The following NCAM2 variants were observed in gnomAD, a reference collection of about 807,000 sequenced individuals.
NCAM2 encodes neural cell adhesion molecule 2, also known as N-CAM-2.
Under a neutral mutation model 98.1 loss-of-function variants are expected in NCAM2, and 30 were observed. The ratio of observed to expected loss-of-function variants is 0.31; its 90% CI spans 0.23 to 0.41. The LOEUF (loss-of-function observed/expected upper bound fraction) is 0.41, where lower values mean the gene tolerates loss of function less well. NCAM2 is among the 10% of genes least tolerant of loss of function. NCAM2 has a pLI of 1.00. For synonymous variants in NCAM2, 368 were observed against 342.4 expected, an observed-to-expected ratio of 1.07 and a Z score of -0.83; for missense variants, 867 against 1,005.8, an observed-to-expected ratio of 0.86 and a Z score of 1.87.
At chr21:21,415,983 C>T (rs2076987069) in intron 10 of NCAM2, among the ~76,000 whole-genome samples, 1 of 152,162 alleles carries the variant, frequency 6.6e-6, no homozygotes, top group Non-Finnish European at 1.5e-5. Context: ...TTCAGGAACT[C>T]TCTCTTCACA....
At chr21:21,235,375 A>G (rs1251401677) in intron 1 of NCAM2, among the ~76,000 whole-genome samples, 3 of 152,036 alleles carry the variant, frequency 2.0e-5, no homozygotes, top group Non-Finnish European at 4.4e-5. Context: ...TTCTTCTCTG[A>G]TTAAATAATA....
In NCAM2 at chr21:21,343,787, G is replaced by A. The variant is rs551588656; in HGVS notation, c.1044+5253G>A. The stretch of plus-strand genomic sequence containing the variant: ...GTGCTCTGTGTCTCCCAGTAAACTT[G>A]AAAAAACTTATGAAACTCTAGGCCA... On this transcript the variant is annotated intron_variant, in intron 8 of 17. Transcript: ENST00000400546. Among the ~76,000 whole-genome samples, 27 of 152,186 alleles carry A rather than the reference G, an allele frequency of 1.8e-4. No individual in the cohort carries two copies. In the East Asian group the frequency reaches 2.9e-3, roughly 16 times the overall value.
intron 16 of NCAM2, among the ~76,000 whole-genome samples, chr21:21,513,282 G>A (rs1373137402): frequency 1.3e-5 from 2 of 152,140 alleles, no homozygotes; most frequent in East Asian, 1.9e-4. Context: ...AAGATGCATT[G>A]TAAGGTTATT....
intron 16 of NCAM2, among the ~76,000 whole-genome samples, chr21:21,517,772 C>T (rs925679575): frequency 1.4e-4 from 22 of 152,180 alleles, no homozygotes; most frequent in African/African-American, 4.8e-4. Context: ...ACAGGAGAAT[C>T]GCTTGAACCT....
chr21:21,375,486 G>T (rs753693069), intron 9 of NCAM2, among the ~76,000 whole-genome samples: 1 of 151,584 alleles, frequency 6.6e-6, no homozygotes, highest in Non-Finnish European at 1.5e-5. Flanking sequence ...AATAAAAATG[G>T]AAAGCATTGA....
chr21:21,030,373 C>G (rs528873199), intron 1 of NCAM2, among the ~76,000 whole-genome samples: 21 of 152,292 alleles, frequency 1.4e-4, no homozygotes, highest in African/African-American at 4.8e-4. Context: ...TTACCATGAA[C>G]TTAGAGGCAT....
chr21:21,363,815 G>T (rs232497), intron 8 of NCAM2, among the ~76,000 whole-genome samples: 3 of 151,682 alleles, frequency 2.0e-5, no homozygotes, highest in African/African-American at 4.8e-5. Context: ...AAGGTGTTTT[G>T]ATAAGACTCC....
chr21:21,049,375 A>G (rs939533076), intron 1 of NCAM2, among the ~76,000 whole-genome samples: 5 of 151,696 alleles, frequency 3.3e-5, no homozygotes, highest in African/African-American at 1.2e-4. Flanking sequence ...ATAATTTTTC[A>G]TGCCCATAAA....
intron 1 of NCAM2, among the ~76,000 whole-genome samples, chr21:21,203,128 A>G (rs960539094): frequency 6.6e-6 from 1 of 152,204 alleles, no homozygotes; most frequent in Non-Finnish European, 1.5e-5. Flanking sequence ...TTAAATTACA[A>G]TTCTGAGTTA....
In NCAM2 at chr21:21,193,555, G is replaced by C. The variant is rs563514323; in HGVS notation, c.56-87023G>C. On this transcript the variant is annotated intron_variant, in intron 1 of 17. Coordinates refer to ENST00000400546, the MANE Select transcript of NCAM2 (RefSeq NM_004540.5). ...TCTGTCGCCAGGCTGGAGTGCAATG[G>C]CGCGATCTCGGCTCACTGCAACCTC... Among the ~76,000 whole-genome samples, 14 of 149,638 alleles carry C rather than the reference G, an allele frequency of 9.4e-5. No individual in the cohort carries two copies. The South Asian group carries it at 2.8e-3, about 30-fold the overall frequency.
intron 15 of NCAM2, among the ~76,000 whole-genome samples, chr21:21,482,281 T>C (rs1027224362): frequency 1.3e-5 from 2 of 152,108 alleles, no homozygotes; most frequent in African/African-American, 2.4e-5. Flanking sequence ...TCAGATCTTA[T>C]AGAGTTAACA....
chr21:21,165,709 A>G (rs2067929186), intron 1 of NCAM2, among the ~76,000 whole-genome samples: 1 of 152,222 alleles, frequency 6.6e-6, no homozygotes, highest in African/African-American at 2.4e-5. Context: ...ATTTATATTT[A>G]TTATAACATT....
At chr21:21,476,662 A>G (rs1364730942) in intron 14 of NCAM2, among the ~76,000 whole-genome samples, 3 of 152,104 alleles carry the variant, frequency 2.0e-5, no homozygotes, top group Non-Finnish European at 4.4e-5. Context: ...TAGAAAAAGA[A>G]TGAGATAGTA....
At chr21:21,288,160 G>T (rs1377665402) in intron 4 of NCAM2, among the ~76,000 whole-genome samples, 1 of 151,694 alleles carries the variant, frequency 6.6e-6, no homozygotes, top group African/African-American at 2.4e-5. Flanking sequence ...TTGCTATACA[G>T]TATTATTTGG....
chr21:21,457,312 G>A (rs13051144), intron 12 of NCAM2, among the ~76,000 whole-genome samples: 16,882 of 152,076 alleles, frequency 0.11, 1,172 homozygotes, highest in Middle Eastern at 0.16. Context: ...ATTATGACAT[G>A]TGTTGGACAA....
chr21:21,029,067 T>TTTTTA (rs1357803644), intron 1 of NCAM2, among the ~76,000 whole-genome samples: 2 of 152,134 alleles, frequency 1.3e-5, no homozygotes, highest in Non-Finnish European at 2.9e-5. Context: ...ATGAGTAACA[T>TTTTTA]GTTTTAGTGT....
At chr21:21,455,312 G>A (rs956049160) in intron 12 of NCAM2, among the ~76,000 whole-genome samples, 24 of 150,234 alleles carry the variant, frequency 1.6e-4, no homozygotes, top group African/African-American at 5.1e-4. Context: ...TGATTTCATC[G>A]TTTTTACATT....
At chr21:21,210,264 T>TA (rs2069597928) in intron 1 of NCAM2, among the ~76,000 whole-genome samples, 1 of 152,202 alleles carries the variant, frequency 6.6e-6, no homozygotes, top group Non-Finnish European at 1.5e-5. Flanking sequence ...ACTTAGGCAA[T>TA]AGATTGAAAA....
intron 1 of NCAM2, among the ~76,000 whole-genome samples, chr21:21,145,135 A>G (rs560726668): frequency 1.1e-4 from 17 of 152,126 alleles, no homozygotes; most frequent in Admixed American, 5.9e-4. Context: ...CAAATTTTTC[A>G]TGGTTTCTTA....
Sources: gnomAD v4.1 joint callset for allele counts (sites outside exome capture counted in the v4.1 genomes callset) on GRCh38, gnomAD v4.1.1 for gene constraint, MANE v1.5 for transcripts, NCBI Gene and HGNC (gene_info 2026-07-23, HGNC 2026-07-21) for gene names.